IKZF3: variants seen among roughly 807,000 people sequenced by gnomAD.
The protein encoded by IKZF3 is IKAROS family zinc finger 3.
In IKZF3, 10 loss-of-function variants were observed where a neutral mutation model predicts 49.0. The observed-to-expected ratio is 0.20, with a 90% CI of 0.13 to 0.35. IKZF3 has a LOEUF of 0.35. Among genes scored for constraint, IKZF3 ranks in the 10% least tolerant of loss-of-function variants. The pLI is 1.00. For missense variants in IKZF3, 498 were observed against 664.8 expected (o/e 0.75, Z 2.76); for synonymous variants, 209 against 228.2 (o/e 0.92, Z 0.76).
rs529722305 is a variant in IKZF3, at chr17:39,813,627, G to A, written c.163+15760C>T. On this transcript the variant is annotated intron_variant, in intron 3 of 7. Transcript: ENST00000346872. ...CCACTGCACTCCAGCCTGGGTGACA[G>A]CGTGATTAAAAAAAAAAAAAGATTC... 5.5e-3 allele frequency among the ~76,000 whole-genome samples: 838 copies of A among 151,644 alleles called. 4 individuals carry two copies. Among genetic ancestry groups the A allele is most frequent in the African/African-American group, 0.019 (802 of 41,324 alleles).
chr17:39,810,056 C>A (rs1447155969), intron 3 of IKZF3, among the ~76,000 whole-genome samples: 2 of 152,178 alleles, frequency 1.3e-5, no homozygotes, highest in Non-Finnish European at 2.9e-5. Flanking sequence ...AAAAGGTACA[C>A]ATGCCCATAA....
intron 2 of IKZF3, among the ~76,000 whole-genome samples, chr17:39,831,768 T>C (rs1423640942): frequency 6.6e-6 from 1 of 152,176 alleles, no homozygotes; most frequent in Admixed American, 6.5e-5. Flanking sequence ...TGTTCTACAG[T>C]AAAAATCGCA....
intron 3 of IKZF3, among the ~76,000 whole-genome samples, chr17:39,805,030 C>T (rs1057453871): frequency 1.3e-5 from 2 of 152,184 alleles, no homozygotes; most frequent in African/African-American, 4.8e-5. Context: ...ACACTTATCT[C>T]ACACTCAACA....
At chr17:39,859,775 T>C (rs2063165535) in intron 1 of IKZF3, among the ~76,000 whole-genome samples, 1 of 152,232 alleles carries the variant, frequency 6.6e-6, no homozygotes, top group African/African-American at 2.4e-5. Context: ...GTACATTCTA[T>C]GGCCTTGTGA....
intron 3 of IKZF3, among the ~76,000 whole-genome samples, chr17:39,799,304 T>C (rs916398561): frequency 6.6e-6 from 1 of 152,160 alleles, no homozygotes; most frequent in African/African-American, 2.4e-5. Context: ...TGGCCCACGG[T>C]ACATGTGACC....
intron 7 of IKZF3, 28 bp from the exon 8 acceptor site, chr17:39,766,521 A>G: frequency 1.9e-6 from 3 of 1,555,546 alleles, no homozygotes; most frequent in Non-Finnish European, 2.6e-6. Context: ...AAGGGTTACA[A>G]AGGGAACACT....
At chr17:39,841,203 A>G (rs75077831) in intron 1 of IKZF3, among the ~76,000 whole-genome samples, 3,025 of 151,918 alleles carry the variant, frequency 0.02, 112 homozygotes, top group African/African-American at 0.07. Context: ...AAGTTTCCAC[A>G]TGGAGGGACA....
chr17:39,808,370 C>A (rs887431276), intron 3 of IKZF3, among the ~76,000 whole-genome samples: 7 of 152,134 alleles, frequency 4.6e-5, no homozygotes, highest in African/African-American at 1.7e-4. Flanking sequence ...AAGAGTTGGC[C>A]TGATTGGACA....
intron 3 of IKZF3, among the ~76,000 whole-genome samples, chr17:39,794,169 G>T (rs35105110): frequency 6.6e-6 from 1 of 152,012 alleles, no homozygotes; most frequent in African/African-American, 2.4e-5. Context: ...GTCATTTGTC[G>T]AAGGTTACAC....
intron 6 of IKZF3, among the ~76,000 whole-genome samples, chr17:39,780,323 A>G (rs1237853463): frequency 1.3e-5 from 2 of 151,526 alleles, no homozygotes; most frequent in African/African-American, 4.8e-5. Context: ...GTTAGTCATT[A>G]CACAATACAT....
At chr17:39,853,833 T>TA (rs34052978) in intron 1 of IKZF3, among the ~76,000 whole-genome samples, 4,062 of 134,260 alleles carry the variant, frequency 0.03, 195 homozygotes, top group African/African-American at 0.1. Context: ...AAACTCCGTC[T>TA]AAAAAAAAAA....
intron 6 of IKZF3, among the ~76,000 whole-genome samples, chr17:39,780,200 G>A (rs902559508): frequency 2.0e-5 from 3 of 148,870 alleles, no homozygotes; most frequent in African/African-American, 2.5e-5. Context: ...CAACCTATTA[G>A]TGCCAGTGCA....
At chr17:39,803,535 C>T (rs1246662802) in intron 3 of IKZF3, among the ~76,000 whole-genome samples, 1 of 142,528 alleles carries the variant, frequency 7.0e-6, no homozygotes, top group African/African-American at 2.7e-5. Context: ...TTTTTTGAGA[C>T]AGAGTTTCGC....
intron 1 of IKZF3, among the ~76,000 whole-genome samples, chr17:39,846,436 C>T (rs966653365): frequency 6.8e-6 from 1 of 147,870 alleles, no homozygotes; most frequent in Non-Finnish European, 1.5e-5. Context: ...TTTTCATTGA[C>T]GATGACACTA....
chr17:39,833,664 C>T (rs559465419), intron 1 of IKZF3, among the ~76,000 whole-genome samples: 1 of 152,200 alleles, frequency 6.6e-6, no homozygotes, highest in East Asian at 1.9e-4. Flanking sequence ...ATCCATTCTC[C>T]TATTGATGGA....
chr17:39,791,884 T>TC, intron 4 of IKZF3, among the ~76,000 whole-genome samples: 1 of 146,570 alleles, frequency 6.8e-6, no homozygotes, highest in Admixed American at 6.8e-5. Context: ...TACTTGGTAC[T>TC]CCCTTTTTTT....
At chr17:39,808,793 T>G (rs1226724677) in intron 3 of IKZF3, among the ~76,000 whole-genome samples, 1 of 152,158 alleles carries the variant, frequency 6.6e-6, no homozygotes, top group East Asian at 1.9e-4. Context: ...AAGCTGATGG[T>G]AAGTAAGGAA....
chr17:39,765,656 C>T lies in IKZF3; in HGVS notation c.*134G>A. 1 of 632,362 alleles carries T rather than the reference C, an allele frequency of 1.6e-6. No homozygotes were observed. The allele number at this position is 632,362 out of a possible 1,614,324, so 39.2% of individuals were successfully genotyped here. A position where few individuals can be genotyped will look rare whatever the true frequency, so the allele number is the denominator to read the frequency against. On this transcript the variant is annotated 3_prime_UTR_variant, in exon 8 of 8. Coordinates refer to ENST00000346872, the MANE Select transcript of IKZF3 (RefSeq NM_012481.5). Reference sequence around the variant, plus strand: ...GGAAGACAGTGTTTCCCTGGCTACCCCTGTGAACACAGCTAAAAATGGTAT... The same window carrying T: ...GGAAGACAGTGTTTCCCTGGCTACCTCTGTGAACACAGCTAAAAATGGTAT...
intron 1 of IKZF3, among the ~76,000 whole-genome samples, chr17:39,847,079 A>C (rs1042178852): frequency 6.6e-6 from 1 of 152,178 alleles, no homozygotes; most frequent in Non-Finnish European, 1.5e-5. Flanking sequence ...TTTACTTTAT[A>C]ATTAAAAGTT....
Sources: gnomAD v4.1 joint callset for allele counts (sites outside exome capture counted in the v4.1 genomes callset) on GRCh38, gnomAD v4.1.1 for gene constraint, MANE v1.5 for transcripts, NCBI Gene and HGNC (gene_info 2026-07-23, HGNC 2026-07-21) for gene names.